The following CTNNA2 variants were observed in gnomAD, a reference collection of about 807,000 sequenced individuals.
CTNNA2 encodes the protein catenin alpha 2.
A neutral mutation model predicts 101.0 loss-of-function variants in CTNNA2; 42 were observed. The observed-to-expected ratio is 0.42, with a 90% CI of 0.32 to 0.54. The LOEUF is 0.54. Ranked by LOEUF, CTNNA2 falls within the 20% of genes least tolerant of loss-of-function variation. The pLI is 0.14. For synonymous variants in CTNNA2, 450 were observed against 456.4 expected, an observed-to-expected ratio of 0.99 and a Z score of 0.18; for missense variants, 871 against 1,223.1, an observed-to-expected ratio of 0.71 and a Z score of 4.29.
At chr2:79,348,222 T>C (rs1677307461) in intron 3 of CTNNA2, among the ~76,000 whole-genome samples, 1 of 152,220 alleles carries the variant, frequency 6.6e-6, no homozygotes, top group Non-Finnish European at 1.5e-5. Context: ...TATTGTTCTA[T>C]TGGCATCATA....
chr2:80,416,108 C>T (rs1680021331), intron 8 of CTNNA2, among the ~76,000 whole-genome samples: 1 of 151,820 alleles, frequency 6.6e-6, no homozygotes, highest in Admixed American at 6.6e-5. Flanking sequence ...TTAAGTTATA[C>T]AGTGAATAAG....
intron 7 of CTNNA2, among the ~76,000 whole-genome samples, chr2:80,299,927 C>T (rs561980083): frequency 1.3e-5 from 2 of 152,136 alleles, no homozygotes; most frequent in Non-Finnish European, 2.9e-5. Context: ...GTTAAGTTCA[C>T]GGAATCCAAG....
intron 7 of CTNNA2, among the ~76,000 whole-genome samples, chr2:80,355,952 G>T (rs1673754916): frequency 6.7e-6 from 1 of 149,584 alleles, no homozygotes; most frequent in Admixed American, 6.6e-5. Flanking sequence ...CTCCCAAAAA[G>T]ATTCCATTTC....
chr2:79,530,594 A>G (rs1047691256), intron 1 of CTNNA2, among the ~76,000 whole-genome samples: 5 of 152,108 alleles, frequency 3.3e-5, no homozygotes, highest in Admixed American at 6.6e-5. Context: ...GTTGTTGCAT[A>G]GATCAGAGAG....
At chr2:79,916,933 T>G (rs1466563442) in intron 7 of CTNNA2, among the ~76,000 whole-genome samples, 4 of 150,936 alleles carry the variant, frequency 2.7e-5, no homozygotes, top group Non-Finnish European at 4.4e-5. Flanking sequence ...TTTTTTGTTT[T>G]TTGTTTGTTT....
In CTNNA2 at chr2:79,982,192, C is replaced by CTATA. The variant is rs70940064; in HGVS notation, c.1056+72441_1056+72444dup. Among the ~76,000 whole-genome samples the CTATA allele has an allele frequency of 5.8e-3, 430 of 74,674 alleles. 1 individual carries two copies. Among genetic ancestry groups the CTATA allele is most frequent in the African/African-American group, 6.9e-3 (99 of 14,306 alleles). 49.0% of individuals were successfully genotyped at this position (74,674 alleles called of 152,430 possible). A position where few individuals can be genotyped will look rare whatever the true frequency, so the allele number is the denominator to read the frequency against. ...TACCTGAGACCACAGGCATGTGCCA[C>CTATA]TATATATATATATATATATATATAT... On this transcript the variant is annotated intron_variant, in intron 7 of 18. Transcript: ENST00000402739.
intron 4 of CTNNA2, among the ~76,000 whole-genome samples, chr2:79,405,399 C>T (rs1397504045): frequency 6.6e-6 from 1 of 152,042 alleles, no homozygotes; most frequent in Non-Finnish European, 1.5e-5. Context: ...GATCTAGGCT[C>T]ACTGCAATCT....
At chr2:79,189,572 G>C (rs1673825060) in intron 1 of CTNNA2, among the ~76,000 whole-genome samples, 1 of 152,174 alleles carries the variant, frequency 6.6e-6, no homozygotes, top group Non-Finnish European at 1.5e-5. Flanking sequence ...AGGGGAGAGA[G>C]CACAGCTGAA....
intron 2 of CTNNA2, among the ~76,000 whole-genome samples, chr2:79,284,833 T>C (rs1347307509): frequency 6.8e-6 from 1 of 146,620 alleles, no homozygotes; most frequent in African/African-American, 2.5e-5. Context: ...TCAGAAGGAA[T>C]GGTACCAGTT....
chr2:80,338,998 C>T (rs544225621), intron 7 of CTNNA2, among the ~76,000 whole-genome samples: 5 of 152,190 alleles, frequency 3.3e-5, no homozygotes, highest in Non-Finnish European at 7.3e-5. Context: ...TCTGATGAGT[C>T]TACTTCACTG....
chr2:80,333,770 C>T (rs551132448), intron 7 of CTNNA2, among the ~76,000 whole-genome samples: 1 of 152,282 alleles, frequency 6.6e-6, no homozygotes, highest in South Asian at 2.1e-4. Context: ...ATTGCAGGTG[C>T]GCACCATCAT....
At chr2:80,139,018 A>G (rs941203092) in intron 7 of CTNNA2, among the ~76,000 whole-genome samples, 1 of 152,130 alleles carries the variant, frequency 6.6e-6, no homozygotes, top group African/African-American at 2.4e-5. Context: ...GACCAAGAAG[A>G]TGGATGTTCA....
chr2:79,754,495 T>A (rs1031149032), intron 3 of CTNNA2, among the ~76,000 whole-genome samples: 1 of 152,086 alleles, frequency 6.6e-6, no homozygotes, highest in Non-Finnish European at 1.5e-5. Context: ...TCCTCCTTCA[T>A]TTGCCCTATA....
intron 7 of CTNNA2, among the ~76,000 whole-genome samples, chr2:80,004,672 CATTTATTTATTTATTTATTT>C (rs59472149): frequency 4.1e-5 from 6 of 145,662 alleles, no homozygotes; most frequent in Admixed American, 6.9e-5. Context: ...TTTTATTTTA[CATTTATTTATTTATTTATTT>C]ATTTATTTAT....
intron 4 of CTNNA2, among the ~76,000 whole-genome samples, chr2:79,380,306 A>G (rs1678025255): frequency 6.6e-6 from 1 of 151,354 alleles, no homozygotes; most frequent in African/African-American, 2.4e-5. Context: ...CAGGTTGTTC[A>G]GGGATGAGAG....
intron 18 of CTNNA2, among the ~76,000 whole-genome samples, chr2:80,629,244 G>A (rs1175593111): frequency 6.6e-6 from 1 of 152,066 alleles, no homozygotes; most frequent in Non-Finnish European, 1.5e-5. Context: ...AGCAACCAAC[G>A]AATCAAGGTC....
chr2:79,507,768 G>C (rs755189064), intron 5 of CTNNA2, among the ~76,000 whole-genome samples: 1 of 152,114 alleles, frequency 6.6e-6, no homozygotes, highest in Non-Finnish European at 1.5e-5. Context: ...TTTGAATCTA[G>C]CCACGAGATA....
chr2:80,089,687 C>T (rs1340708196), intron 7 of CTNNA2, among the ~76,000 whole-genome samples: 2 of 152,128 alleles, frequency 1.3e-5, no homozygotes, highest in African/African-American at 4.8e-5. Context: ...CATCATTTGG[C>T]CTCACCCACT....
chr2:79,189,405 C>T (rs571084040), intron 1 of CTNNA2, among the ~76,000 whole-genome samples: 1 of 151,918 alleles, frequency 6.6e-6, no homozygotes, highest in Non-Finnish European at 1.5e-5. Context: ...CTGGTCTTAC[C>T]ATATTATTTC....
Sources: gnomAD v4.1 joint callset for allele counts (sites outside exome capture counted in the v4.1 genomes callset) on GRCh38, gnomAD v4.1.1 for gene constraint, MANE v1.5 for transcripts, NCBI Gene and HGNC (gene_info 2026-07-23, HGNC 2026-07-21) for gene names.